The following TENM2 variants were observed in gnomAD, a reference collection of about 807,000 sequenced individuals.
TENM2 encodes the protein teneurin transmembrane protein 2, also known as teneurin-2.
In TENM2, 52 loss-of-function variants were observed where a neutral mutation model predicts 245.2. That is an observed-to-expected ratio of 0.21 (90% CI 0.17 to 0.27). The LOEUF (loss-of-function observed/expected upper bound fraction) is 0.27. TENM2 is among the 10% of genes least tolerant of loss of function. The pLI is 1.00. For synonymous variants in TENM2, 1,363 were observed against 1,438.9 expected, an observed-to-expected ratio of 0.95 and a Z score of 1.19; for missense variants, 3,046 against 3,666.8, an observed-to-expected ratio of 0.83 and a Z score of 4.37.
chr5:167,313,556 G>A (rs1023882989), intron 1 of TENM2, among the ~76,000 whole-genome samples: 1 of 152,164 alleles, frequency 6.6e-6, no homozygotes, highest in Non-Finnish European at 1.5e-5. Context: ...AGAACCATTT[G>A]AACCAGGGAG....
chr5:167,158,863 C>CCTTT, the TENM2 span, among the ~76,000 whole-genome samples: 2 of 135,442 alleles, frequency 1.5e-5, no homozygotes, highest in Non-Finnish European at 3.2e-5. Flanking sequence ...TTCCTTCCTT[C>CCTTT]CTTCCTTCCT....
At chr5:167,567,682 C>T (rs1270441709) in intron 2 of TENM2, among the ~76,000 whole-genome samples, 1 of 151,814 alleles carries the variant, frequency 6.6e-6, no homozygotes, top group Non-Finnish European at 1.5e-5. Context: ...GGTTGATGCG[C>T]AGCATGTGCA....
intron 2 of TENM2, among the ~76,000 whole-genome samples, chr5:167,859,160 A>C (rs1378401703): frequency 4.1e-5 from 3 of 73,412 alleles, no homozygotes; most frequent in African/African-American, 1.1e-4. Context: ...TGCCCGGCCG[A>C]GACCCCGTCT....
intron 12 of TENM2, among the ~76,000 whole-genome samples, chr5:168,151,245 G>A (rs912236515): frequency 3.9e-5 from 6 of 152,176 alleles, no homozygotes; most frequent in African/African-American, 1.4e-4. Context: ...TCTTACTCAC[G>A]TAACTCTCAG....
chr5:167,637,569 C>T (rs1160326939), intron 2 of TENM2, among the ~76,000 whole-genome samples: 2 of 152,076 alleles, frequency 1.3e-5, no homozygotes, highest in Non-Finnish European at 2.9e-5. Flanking sequence ...TGGAACCAAC[C>T]CCAATGCCCA....
At position 167,888,753 on chromosome 5, in the gene TENM2, C is replaced by T. The variant is rs1203213015; in HGVS notation, c.712+12558C>T. On this transcript the variant is annotated intron_variant, in intron 3 of 28. Transcript: ENST00000518659. ...CCCCCAGGGCCAATACCAGCTCTCT[C>T]TTTTGTCATTTCCATCAGATCTTTT... 2.6e-5 allele frequency among the ~76,000 whole-genome samples: 4 copies of T among 152,340 alleles called. No individual in the cohort carries two copies. In the East Asian group the frequency reaches 7.7e-4, roughly 29 times the overall value.
chr5:167,348,662 C>T (rs1229877373), intron 1 of TENM2, among the ~76,000 whole-genome samples: 2 of 152,072 alleles, frequency 1.3e-5, no homozygotes, highest in African/African-American at 4.8e-5. Context: ...TTCTTTTTAC[C>T]CTGATGGTTA....
chr5:167,950,915 T>C (rs1780043390), intron 3 of TENM2, among the ~76,000 whole-genome samples: 3 of 152,250 alleles, frequency 2.0e-5, no homozygotes, highest in Admixed American at 1.3e-4. Flanking sequence ...TTAAAATCTA[T>C]ACAACTGTAC....
intron 25 of TENM2, among the ~76,000 whole-genome samples, chr5:168,235,548 T>C (rs1483886595): frequency 6.6e-6 from 1 of 152,234 alleles, no homozygotes; most frequent in Non-Finnish European, 1.5e-5. Flanking sequence ...GGGCACAGCC[T>C]GTAATCCCAG....
At chr5:167,859,766 T>A (rs1346480605) in intron 2 of TENM2, among the ~76,000 whole-genome samples, 1 of 58,366 alleles carries the variant, frequency 1.7e-5, no homozygotes, top group Non-Finnish European at 3.2e-5. Context: ...CCAGCCGCCC[T>A]GTCCGGGAGG....
intron 5 of TENM2, among the ~76,000 whole-genome samples, chr5:168,002,048 G>A (rs1784449204): frequency 6.6e-6 from 1 of 152,118 alleles, no homozygotes; most frequent in Non-Finnish European, 1.5e-5. Flanking sequence ...CCTCCCTTCT[G>A]GGAAAGAGAA....
chr5:167,186,750 C>A, the TENM2 span, among the ~76,000 whole-genome samples: 1 of 152,190 alleles, frequency 6.6e-6, no homozygotes, highest in Admixed American at 6.5e-5. Context: ...CAGCCCCTGG[C>A]TAGAGATTAA....
At chr5:167,310,459 GT>G (rs899773334) in intron 1 of TENM2, among the ~76,000 whole-genome samples, 1 of 151,842 alleles carries the variant, frequency 6.6e-6, no homozygotes, top group African/African-American at 2.4e-5. Flanking sequence ...CCTGGCACTT[GT>G]TTTTTTCAAA....
Position 168,232,978 on chromosome 5 carries a change from C to G in TENM2, c.5520+4848C>G, listed in dbSNP as rs1765070820. Reference sequence around the variant, plus strand: ...AAAGAATCTCCTTTGAAAGAGTCCTCCCCCTCCTTCCCGCATTGTCCTCCA... The same window carrying G: ...AAAGAATCTCCTTTGAAAGAGTCCTGCCCCTCCTTCCCGCATTGTCCTCCA... On this transcript the variant is annotated intron_variant, in intron 25 of 28. Coordinates refer to ENST00000518659, the Ensembl canonical transcript of TENM2. Among the ~76,000 whole-genome samples, 4 of 152,196 alleles carry G rather than the reference C, an allele frequency of 2.6e-5. No individual in the cohort carries two copies. The South Asian group carries it at 6.2e-4, about 24-fold the overall frequency.
the TENM2 span, among the ~76,000 whole-genome samples, chr5:167,135,669 C>T: frequency 1.3e-5 from 2 of 151,996 alleles, no homozygotes; most frequent in Non-Finnish European, 2.9e-5. Context: ...CCCAGCTACT[C>T]AGGAGGCTGA....
the TENM2 span, among the ~76,000 whole-genome samples, chr5:167,150,758 T>C: frequency 6.6e-6 from 1 of 152,158 alleles, no homozygotes; most frequent in East Asian, 1.9e-4. Context: ...CTGTAAAACC[T>C]CTCACAAGAT....
At chr5:168,211,143 A>G (rs1260229367) in intron 19 of TENM2, among the ~76,000 whole-genome samples, 1 of 152,194 alleles carries the variant, frequency 6.6e-6, no homozygotes, top group African/African-American at 2.4e-5. Flanking sequence ...GGAGCAGGGA[A>G]AGGAAGTGGT....
chr5:167,453,798 G>A (rs180722469), intron 2 of TENM2, among the ~76,000 whole-genome samples: 18 of 152,134 alleles, frequency 1.2e-4, no homozygotes, highest in East Asian at 9.7e-4. Context: ...CTCAACATTC[G>A]ATTTTCTTCT....
chr5:168,081,788 G>T (rs940823241), intron 7 of TENM2, among the ~76,000 whole-genome samples: 12 of 152,188 alleles, frequency 7.9e-5, no homozygotes, highest in African/African-American at 2.9e-4. Flanking sequence ...TAGAGTTTCT[G>T]CCGAGAGATC....
Sources: allele counts gnomAD v4.1 joint callset (sites outside exome capture counted in the v4.1 genomes callset), GRCh38; gene constraint gnomAD v4.1.1; transcripts MANE v1.5; gene names NCBI Gene and HGNC (gene_info 2026-07-23, HGNC 2026-07-21).